PLEKHM2: variants seen among roughly 807,000 people sequenced by gnomAD.
The protein encoded by PLEKHM2 is pleckstrin homology and RUN domain containing M2.
In PLEKHM2, 77 loss-of-function variants were observed where a neutral mutation model predicts 116.3. The observed-to-expected ratio is 0.66, with a 90% confidence interval of 0.55 to 0.80. The LOEUF (loss-of-function observed/expected upper bound fraction) is 0.80. Among genes scored for constraint, PLEKHM2 ranks in the 30% least tolerant of loss-of-function variants. The probability of loss-of-function intolerance (pLI) is 0.00; values close to 1 mark genes in which losing one functional copy is unlikely to be tolerated. For synonymous variants in PLEKHM2, 562 were observed against 571.0 expected, an observed-to-expected ratio of 0.98 and a Z score of 0.22; for missense variants, 1,183 against 1,354.9, an observed-to-expected ratio of 0.87 and a Z score of 1.99.
chr1:15,697,272 C>A (rs559642218), intron 1 of PLEKHM2, among the ~76,000 whole-genome samples: 1 of 152,284 alleles, frequency 6.6e-6, no homozygotes, highest in Non-Finnish European at 1.5e-5. Context: ...GGAGTAGAAT[C>A]GTGTGCACTC....
At chr1:15,693,195 C>T (rs1640923284) in intron 1 of PLEKHM2, among the ~76,000 whole-genome samples, 1 of 151,124 alleles carries the variant, frequency 6.6e-6, no homozygotes. Flanking sequence ...TGCCCACCAC[C>T]ACACCTGGCT....
At chr1:15,730,467 G>A (rs990720734) in intron 14 of PLEKHM2, 65 bp from the exon 15 acceptor site, 31 of 1,316,204 alleles carry the variant, frequency 2.4e-5, no homozygotes, top group Non-Finnish European at 3.0e-5. Flanking sequence ...GAACCAGTCC[G>A]GGCTCAGCCA....
Position 15,734,062 on chromosome 1 carries a change from C to T in PLEKHM2, c.*128C>T, listed in dbSNP as rs963815002. 24 of 1,066,672 alleles carry T rather than the reference C, an allele frequency of 2.2e-5. No individual in the cohort carries two copies. The highest frequency in any genetic ancestry group is 1.6e-4 in the African/African-American group (10 of 62,334). 66.1% of individuals were successfully genotyped at this position (1,066,672 alleles called of 1,614,324 possible). ...CCCCTGCCCTGGGCGGCAGAACCACCGAGTGTGGCTTAAGACAGGGTCCCT... is the reference window on the plus strand; with the variant it reads ...CCCCTGCCCTGGGCGGCAGAACCACTGAGTGTGGCTTAAGACAGGGTCCCT... On this transcript the variant is annotated 3_prime_UTR_variant, in exon 20 of 20. Transcript: ENST00000375799.
chr1:15,707,706 T>A (rs10927835), intron 1 of PLEKHM2, among the ~76,000 whole-genome samples: 24,349 of 152,086 alleles, frequency 0.16, 3,653 homozygotes, highest in African/African-American at 0.4. Flanking sequence ...CAGCTTTTTT[T>A]AAAACTGACA....
intron 1 of PLEKHM2, among the ~76,000 whole-genome samples, chr1:15,698,563 T>G (rs991202721): frequency 6.7e-6 from 1 of 149,418 alleles, no homozygotes; most frequent in Non-Finnish European, 1.5e-5. Flanking sequence ...TTTTTTTTTT[T>G]TTTTGACATA....
chr1:15,684,708 C>T, intron 1 of PLEKHM2, 90 bp downstream of exon 1: 1 of 392,516 alleles, frequency 2.5e-6, no homozygotes. Context: ...GGGCCCCCCG[C>T]CCTTCCCCTC....
At position 15,728,723 on chromosome 1, in the gene PLEKHM2, A is replaced by G. The variant is rs775027447; in HGVS notation, c.1976A>G (p.Asp659Gly). The change falls in exon 12 of 20, where the codon GAC (aspartate) becomes GGC (glycine). Residue 659 changes from aspartate to glycine, a missense_variant. Physicochemically the swap from Asp to Gly is moderately conservative, Grantham distance 94. Around this residue, in one of 3 missense-constraint regions of PLEKHM2, gnomAD observed 594 missense variants for 720.1 expected, o/e 0.82. Coordinates refer to ENST00000375799, the MANE Select transcript of PLEKHM2 (RefSeq NM_015164.4). The surrounding 1 kb of genome is among the most constrained non-coding windows in gnomAD (Gnocchi z 5.9). Reference protein sequence around the residue: ...VEEAVSYNELDYVSVGLDQQT... With the variant: ...VEEAVSYNELGYVSVGLDQQT... ...GAGGCCGTTTCTTACAATGAACTTG[A>G]CTATGTGTCGGTGAGTCCAGGCCCC... The G allele has an allele frequency of 3.3e-5, 53 of 1,609,726 alleles. No homozygotes were observed. The highest frequency in any genetic ancestry group is 4.2e-5 in the Non-Finnish European group (49 of 1,178,162).
At chr1:15,726,815 C>T (rs2068068632) in intron 8 of PLEKHM2, among the ~76,000 whole-genome samples, 199 bp from the exon 9 acceptor site, 1 of 152,178 alleles carries the variant, frequency 6.6e-6, no homozygotes, top group Non-Finnish European at 1.5e-5. Flanking sequence ...CCGCCCCTGC[C>T]AGCAAAGGGG....
intron 1 of PLEKHM2, 88 bp from the exon 2 acceptor site, chr1:15,716,149 T>A (rs76087866): frequency 1.3e-6 from 1 of 791,674 alleles, no homozygotes; most frequent in Non-Finnish European, 2.0e-6. Context: ...ATTTGACTAA[T>A]TTTTTTTAGC....
At chr1:15,693,364 A>G (rs1002453318) in intron 1 of PLEKHM2, among the ~76,000 whole-genome samples, 1 of 152,286 alleles carries the variant, frequency 6.6e-6, no homozygotes, top group East Asian at 1.9e-4. Flanking sequence ...CTTTTAAGAT[A>G]TGGTTCTCCT....
intron 1 of PLEKHM2, among the ~76,000 whole-genome samples, chr1:15,695,894 C>G (rs1486573279): frequency 1.3e-5 from 2 of 152,056 alleles, no homozygotes; most frequent in African/African-American, 4.8e-5. Context: ...CTCGACCTCC[C>G]AGGATCAAGT....
intron 1 of PLEKHM2, among the ~76,000 whole-genome samples, chr1:15,687,106 A>G (rs1284575143): frequency 6.9e-6 from 1 of 145,576 alleles, no homozygotes; most frequent in African/African-American, 2.6e-5. Context: ...TATTTTTTGT[A>G]GAGATGGGAT....
chr1:15,721,184 A>G lies in PLEKHM2; in HGVS notation c.653-145A>G. On this transcript the variant is annotated intron_variant, in intron 6 of 19. Coordinates refer to ENST00000375799, the MANE Select transcript of PLEKHM2 (RefSeq NM_015164.4). This position sits in a 1 kb window ranked among gnomAD's most constrained non-coding sequence, Gnocchi z 5.1. ...GTCAGGGCCCTAGTAAGTTTCCCCA[A>G]GGTTGTTGGATACAATGTAGAAAGT... The G allele has an allele frequency of 1.6e-6, 1 of 629,604 alleles. No individual in the cohort carries two copies. Among genetic ancestry groups the G allele is most frequent in the Non-Finnish European group, 2.9e-6 (1 of 349,456 alleles). 39.0% of individuals were successfully genotyped at this position (629,604 alleles called of 1,614,324 possible).
Position 15,686,468 on chromosome 1 carries a change from TTTG to T in PLEKHM2, c.60+1871_60+1873del, listed in dbSNP as rs539764002. On this transcript the variant is annotated intron_variant, in intron 1 of 19. Transcript: ENST00000375799. ...AATTAGGGATGTTGTGGAGTGTTTT[TTTG>T]TTGTTGTTGTTGTTGTTGTTTGTTT... 1.8e-3 allele frequency among the ~76,000 whole-genome samples: 277 copies of T among 152,020 alleles called. 2 individuals carry two copies. The highest frequency in any genetic ancestry group is 3.3e-3 in the Non-Finnish European group (224 of 67,966).
At chr1:15,687,892 G>A (rs888799756) in intron 1 of PLEKHM2, among the ~76,000 whole-genome samples, 1 of 152,060 alleles carries the variant, frequency 6.6e-6, no homozygotes. Flanking sequence ...CATTTTATAA[G>A]GATTTTACGT....
chr1:15,729,689 C>A lies in PLEKHM2; in HGVS notation c.2076-108C>A, dbSNP rs1434164336. ...GGTCACTGGGTCTAGCCAGGTCTCT[C>A]CCCCAAGTTTCTGTGACCCCTCCAG... On this transcript the variant is annotated intron_variant, in intron 13 of 19. Transcript: ENST00000375799. The surrounding 1 kb of genome is among the most constrained non-coding windows in gnomAD (Gnocchi z 4.7). The A allele has an allele frequency of 3.1e-6, 3 of 983,416 alleles. No homozygotes were observed. In the South Asian group the frequency reaches 4.8e-5, roughly 16 times the overall value. The allele number at this position is 983,416 out of a possible 1,614,324, so 60.9% of individuals were successfully genotyped here.
At position 15,729,067 on chromosome 1, in the gene PLEKHM2, GCC is replaced by G. The variant is rs1184662156; in HGVS notation, c.1987-32_1987-31del. 1 of 1,575,932 alleles carries G rather than the reference GCC, an allele frequency of 6.3e-7. No homozygotes were observed. Among genetic ancestry groups the G allele is most frequent in the Non-Finnish European group, 8.6e-7 (1 of 1,157,204 alleles). On this transcript the variant is annotated intron_variant, in intron 12 of 19. Coordinates refer to ENST00000375799, the MANE Select transcript of PLEKHM2 (RefSeq NM_015164.4). The surrounding 1 kb of genome is among the most constrained non-coding windows in gnomAD (Gnocchi z 4.7). Reference sequence around the variant, plus strand: ...GCCTTCTCCGCCAGGCAGCAGCTAAGCCCCAAGTGCATGTCACGGTGTGGTTT... The same window carrying G: ...GCCTTCTCCGCCAGGCAGCAGCTAAGCCAAGTGCATGTCACGGTGTGGTTT...
At position 15,721,319 on chromosome 1, in the gene PLEKHM2, G is replaced by C. The variant is rs570990579; in HGVS notation, c.653-10G>C. 6 of 1,547,144 alleles carry C rather than the reference G, an allele frequency of 3.9e-6. No individual in the cohort carries two copies. In the East Asian group the frequency reaches 1.4e-4, roughly 37 times the overall value. On this transcript the variant is annotated splice_polypyrimidine_tract_variant and intron_variant, in intron 6 of 19. Transcript: ENST00000375799. This position sits in a 1 kb window ranked among gnomAD's most constrained non-coding sequence, Gnocchi z 5.1. ...TTTCTAATCTTCAGTTTTGTCCCTCGTTTTTGTAGATTATGATTTTGGAGA... is the reference window on the plus strand; with the variant it reads ...TTTCTAATCTTCAGTTTTGTCCCTCCTTTTTGTAGATTATGATTTTGGAGA...
At chr1:15,713,686 A>G (rs1641381738) in intron 1 of PLEKHM2, among the ~76,000 whole-genome samples, 1 of 151,656 alleles carries the variant, frequency 6.6e-6, no homozygotes, top group Non-Finnish European at 1.5e-5. Flanking sequence ...CCCAGGCTGG[A>G]GTGCAGTGGC....
Sources: gnomAD v4.1 joint callset for allele counts (sites outside exome capture counted in the v4.1 genomes callset) on GRCh38, gnomAD v4.1.1 for gene constraint, gnomAD v4.1.1 regional missense constraint, Gnocchi (gnomAD v3.1) non-coding constraint, MANE v1.5 for transcripts, NCBI Gene and HGNC (gene_info 2026-07-23, HGNC 2026-07-21) for gene names.